Variants in UBE2G1 observed in about 807,000 individuals in gnomAD.
The protein encoded by UBE2G1 is ubiquitin-conjugating enzyme E2 G1.
A neutral mutation model predicts 22.7 loss-of-function variants in UBE2G1; 5 were observed. The ratio of observed to expected loss-of-function variants is 0.22; its 90% CI spans 0.12 to 0.46. The LOEUF (loss-of-function observed/expected upper bound fraction) is 0.46. Ranked by LOEUF, UBE2G1 falls within the 20% of genes least tolerant of loss-of-function variation. UBE2G1 has a pLI of 0.99. For missense variants in UBE2G1, 88 were observed against 203.9 expected (o/e 0.43, Z 3.46); for synonymous variants, 74 against 67.5 (o/e 1.10, Z -0.47).
chr17:4,291,702 G>A (rs917581481), intron 3 of UBE2G1, among the ~76,000 whole-genome samples: 5 of 152,116 alleles, frequency 3.3e-5, no homozygotes, highest in Non-Finnish European at 7.4e-5. Context: ...TTAAAGGATT[G>A]TATCAATTTA....
At chr17:4,331,375 AAT>A (rs926945306) in intron 1 of UBE2G1, among the ~76,000 whole-genome samples, 14 of 152,208 alleles carry the variant, frequency 9.2e-5, no homozygotes, top group African/African-American at 3.4e-4. Flanking sequence ...AGATGTGGGG[AAT>A]ATGATAGTAG....
At chr17:4,344,586 C>G (rs928944372) in intron 1 of UBE2G1, among the ~76,000 whole-genome samples, 1 of 151,810 alleles carries the variant, frequency 6.6e-6, no homozygotes, top group Non-Finnish European at 1.5e-5. Context: ...AGCTCTCAGC[C>G]AGGTGCGGTG....
chr17:4,298,675 C>A (rs1285991632), intron 2 of UBE2G1, among the ~76,000 whole-genome samples: 1 of 152,012 alleles, frequency 6.6e-6, no homozygotes, highest in Non-Finnish European at 1.5e-5. Context: ...GGAAAAAAAG[C>A]TGTAAAGGGT....
intron 1 of UBE2G1, among the ~76,000 whole-genome samples, chr17:4,337,242 G>T (rs1969658170): frequency 6.6e-6 from 1 of 150,930 alleles, no homozygotes; most frequent in South Asian, 2.1e-4. Flanking sequence ...TTGAGAGGTT[G>T]AGGTGGGAGG....
At chr17:4,365,046 C>T (rs72829402) in intron 1 of UBE2G1, among the ~76,000 whole-genome samples, 10,883 of 152,292 alleles carry the variant, frequency 0.071, 522 homozygotes, top group South Asian at 0.15. Flanking sequence ...TCTGTAAGAA[C>T]CCCTGACAAC....
intron 1 of UBE2G1, among the ~76,000 whole-genome samples, chr17:4,346,922 G>T (rs1337672875): frequency 6.6e-6 from 1 of 151,816 alleles, no homozygotes; most frequent in African/African-American, 2.4e-5. Context: ...GGAGACCAAG[G>T]CGGGCGGATC....
intron 1 of UBE2G1, among the ~76,000 whole-genome samples, chr17:4,332,281 C>T (rs1969588498): frequency 2.0e-5 from 3 of 151,874 alleles, no homozygotes; most frequent in African/African-American, 7.3e-5. Context: ...GTAAGTCACA[C>T]AGTCATGAAA....
At chr17:4,331,968 G>A (rs1342371743) in intron 1 of UBE2G1, 1 of 152,158 alleles carries the variant, frequency 6.6e-6, no homozygotes, top group East Asian at 1.9e-4. Context: ...TTATTTAGAA[G>A]CATGGAGTTA....
intron 3 of UBE2G1, among the ~76,000 whole-genome samples, 188 bp from the exon 4 acceptor site, chr17:4,289,596 C>G (rs1275831004): frequency 1.3e-5 from 2 of 152,210 alleles, no homozygotes; most frequent in Admixed American, 6.5e-5. Context: ...ACTACATACA[C>G]AGGATCCATC....
At chr17:4,288,028 T>G (rs12600470) in intron 4 of UBE2G1, among the ~76,000 whole-genome samples, 3 of 151,998 alleles carry the variant, frequency 2.0e-5, no homozygotes, top group African/African-American at 7.3e-5. Context: ...GCCTTGTTCT[T>G]AGGGAACAGA....
intron 2 of UBE2G1, among the ~76,000 whole-genome samples, chr17:4,297,060 C>CCAGAT (rs1432894098): frequency 6.6e-6 from 1 of 152,188 alleles, no homozygotes; most frequent in Admixed American, 6.5e-5. Context: ...GACATTCACA[C>CCAGAT]CAGATCAGAT....
chr17:4,285,036 G>A (rs1968946316), intron 4 of UBE2G1, among the ~76,000 whole-genome samples: 1 of 151,684 alleles, frequency 6.6e-6, no homozygotes, highest in Non-Finnish European at 1.5e-5. Context: ...TGTAGATGGG[G>A]TTTTACCATG....
At chr17:4,306,939 C>CG in intron 2 of UBE2G1, 82 bp downstream of exon 2, 1 of 1,317,140 alleles carries the variant, frequency 7.6e-7, no homozygotes, top group East Asian at 2.5e-5. Flanking sequence ...TGTGAGCCAC[C>CG]GTGCCCAGCC....
Position 4,308,978 on chromosome 17 carries a change from G to A in UBE2G1, c.47-1855C>T, listed in dbSNP as rs536630059. Among the ~76,000 whole-genome samples the A allele has an allele frequency of 8.5e-5, 13 of 152,310 alleles. No individual in the cohort carries two copies. In the South Asian group the frequency reaches 2.5e-3, roughly 29 times the overall value. Reference sequence around the variant, plus strand: ...GCCAATAGTGAAAATTTATATTTAGGCAGGGCGTGGTGGCTCACACCTGTA... The same window carrying A: ...GCCAATAGTGAAAATTTATATTTAGACAGGGCGTGGTGGCTCACACCTGTA... On this transcript the variant is annotated intron_variant, in intron 1 of 5. Coordinates refer to ENST00000396981, the MANE Select transcript of UBE2G1 (RefSeq NM_003342.5).
At chr17:4,327,858 C>T (rs1001223672) in intron 1 of UBE2G1, among the ~76,000 whole-genome samples, 1 of 152,176 alleles carries the variant, frequency 6.6e-6, no homozygotes, top group Non-Finnish European at 1.5e-5. Context: ...CAATACAGTA[C>T]TCAGCAGCCA....
chr17:4,343,067 G>A (rs1239507902), intron 1 of UBE2G1, among the ~76,000 whole-genome samples: 2 of 151,962 alleles, frequency 1.3e-5, no homozygotes, highest in Non-Finnish European at 2.9e-5. Context: ...TAATTATCTA[G>A]TTTACCATCT....
intron 2 of UBE2G1, among the ~76,000 whole-genome samples, chr17:4,304,814 G>C (rs1969229295): frequency 2.0e-5 from 3 of 151,886 alleles, no homozygotes; most frequent in African/African-American, 7.3e-5. Context: ...CCCTTCACAG[G>C]CAGTTATTTA....
At chr17:4,355,432 G>A (rs1969894791) in intron 1 of UBE2G1, among the ~76,000 whole-genome samples, 1 of 149,764 alleles carries the variant, frequency 6.7e-6, no homozygotes, top group African/African-American at 2.4e-5. Context: ...CCTGAGGTCA[G>A]GAGTTTAAGA....
At chr17:4,282,077 T>C (rs993750841) in intron 5 of UBE2G1, among the ~76,000 whole-genome samples, 5 of 152,050 alleles carry the variant, frequency 3.3e-5, no homozygotes, top group Non-Finnish European at 5.9e-5. Context: ...CAACTTTTTG[T>C]TTGTTTGTTT....
Sources: allele counts gnomAD v4.1 joint callset (sites outside exome capture counted in the v4.1 genomes callset), GRCh38; gene constraint gnomAD v4.1.1; transcripts MANE v1.5; gene names NCBI Gene and HGNC (gene_info 2026-07-23, HGNC 2026-07-21).